HCN2: variants seen among roughly 807,000 people sequenced by gnomAD.
HCN2 encodes the protein hyperpolarization activated cyclic nucleotide gated potassium and sodium channel 2.
Under a neutral mutation model 52.3 loss-of-function variants are expected in HCN2, and 20 were observed. That is an observed-to-expected ratio of 0.38 (90% CI 0.27 to 0.56). The LOEUF (loss-of-function observed/expected upper bound fraction) is 0.56. Ranked by LOEUF, HCN2 falls within the 20% of genes least tolerant of loss-of-function variation. The probability of loss-of-function intolerance (pLI) is 0.71; values close to 1 mark genes in which losing one functional copy is unlikely to be tolerated. For synonymous variants in HCN2, 694 were observed against 537.0 expected (o/e 1.29, Z -4.04); for missense variants, 981 against 1,207.7 (o/e 0.81, Z 2.78).
At chr19:609,899 C>G (rs1480325959) in intron 4 of HCN2, among the ~76,000 whole-genome samples, 2 of 149,872 alleles carry the variant, frequency 1.3e-5, no homozygotes, top group Non-Finnish European at 3.0e-5. Context: ...GACAGTGTCT[C>G]AGAAAAAAAA....
intron 1 of HCN2, among the ~76,000 whole-genome samples, chr19:599,562 G>A (rs955970848): frequency 2.0e-5 from 3 of 151,670 alleles, no homozygotes; most frequent in Non-Finnish European, 4.4e-5. Context: ...GGCGGATCAC[G>A]AGGTCAGGAG....
At chr19:607,491 C>T (rs1433097616) in intron 3 of HCN2, among the ~76,000 whole-genome samples, 1 of 152,250 alleles carries the variant, frequency 6.6e-6, no homozygotes, top group African/African-American at 2.4e-5. Context: ...CTGGCTGCCA[C>T]CCGCACATGC....
At chr19:595,584 C>T (rs1353655905) in intron 1 of HCN2, among the ~76,000 whole-genome samples, 1 of 152,238 alleles carries the variant, frequency 6.6e-6, no homozygotes, top group Non-Finnish European at 1.5e-5. Flanking sequence ...GCCACCTCCT[C>T]CAAGGAGCCC....
At chr19:613,633 G>GGGGCCGGGGCCC (rs1289982521) in intron 6 of HCN2, 145 bp downstream of exon 6, 1 of 218,992 alleles carries the variant, frequency 4.6e-6, no homozygotes, top group Non-Finnish European at 7.7e-6. Flanking sequence ...GGATGGGGAT[G>GGGGCCGGGGCCC]GGGCCGGGGA....
At chr19:614,543 G>A (rs944496538) in intron 7 of HCN2, among the ~76,000 whole-genome samples, 6 of 152,188 alleles carry the variant, frequency 3.9e-5, no homozygotes, top group African/African-American at 1.4e-4. Context: ...GAAACGGGGA[G>A]GAAGATGTGT....
Position 616,528 on chromosome 19 carries a change from A to G in HCN2, c.*54A>G. 2 of 1,079,950 alleles carry G rather than the reference A, an allele frequency of 1.9e-6. No individual in the cohort carries two copies. The highest frequency in any genetic ancestry group is 2.3e-6 in the Non-Finnish European group (2 of 864,352). 66.9% of individuals were successfully genotyped at this position (1,079,950 alleles called of 1,614,324 possible). ...CGGGCCGGGGGCGGGGCCGTCATCC[A>G]GACCAAAGCCATGCCATTGCGCTGC... On this transcript the variant is annotated 3_prime_UTR_variant, in exon 8 of 8. Coordinates refer to ENST00000251287, the MANE Select transcript of HCN2 (RefSeq NM_001194.4).
chr19:595,020 G>A (rs1205637347), intron 1 of HCN2, among the ~76,000 whole-genome samples: 2 of 151,816 alleles, frequency 1.3e-5, no homozygotes, highest in Non-Finnish European at 2.9e-5. Flanking sequence ...GGGCAACATA[G>A]CAAGACCCCC....
intron 7 of HCN2, 32 bp downstream of exon 7, chr19:614,048 T>C (rs1023526743): frequency 1.4e-6 from 2 of 1,432,552 alleles, no homozygotes; most frequent in African/African-American, 3.1e-5. Context: ...CCGGGGCGGG[T>C]GCCCTGGCGG....
intron 1 of HCN2, among the ~76,000 whole-genome samples, chr19:600,643 C>A (rs1465987134): frequency 8.6e-5 from 13 of 151,992 alleles, no homozygotes; most frequent in Non-Finnish European, 1.5e-4. Flanking sequence ...CCACACCCGG[C>A]CTAATTTCTG....
chr19:609,165 C>G (rs1838178945), intron 4 of HCN2, among the ~76,000 whole-genome samples: 1 of 152,188 alleles, frequency 6.6e-6, no homozygotes, highest in African/African-American at 2.4e-5. Context: ...TAAGCTGGTG[C>G]CACCACCCGC....
intron 1 of HCN2, among the ~76,000 whole-genome samples, chr19:597,794 C>T (rs1023052618): frequency 1.3e-5 from 2 of 151,104 alleles, no homozygotes; most frequent in African/African-American, 4.9e-5. Context: ...TCTAGGCCCT[C>T]CTGGTGGTTT....
At chr19:611,258 CT>C (rs1195971517) in intron 5 of HCN2, among the ~76,000 whole-genome samples, 3 of 152,246 alleles carry the variant, frequency 2.0e-5, no homozygotes, top group Admixed American at 1.3e-4. Context: ...ACTGCGTGCC[CT>C]GCCGTGTGCT....
At chr19:609,337 G>T (rs975034131) in intron 4 of HCN2, among the ~76,000 whole-genome samples, 1 of 152,294 alleles carries the variant, frequency 6.6e-6, no homozygotes, top group South Asian at 2.1e-4. Context: ...GGGCTGACCC[G>T]ATGGTTTCTG....
chr19:595,139 C>T (rs553874126), intron 1 of HCN2, among the ~76,000 whole-genome samples: 2 of 151,094 alleles, frequency 1.3e-5, no homozygotes, highest in South Asian at 4.1e-4. Context: ...GAGGTTGAGG[C>T]TGCAGTGAGC....
chr19:605,719 GGAGGGGAGGACTCGGGC>G, intron 3 of HCN2, among the ~76,000 whole-genome samples: 1 of 106,096 alleles, frequency 9.4e-6, no homozygotes, highest in African/African-American at 4.0e-5. Flanking sequence ...GCCCCCTTAT[GGAGGGGAGGACTCGGGC>G]CCTTACAGAG....
At chr19:600,079 G>C (rs1983156496) in intron 1 of HCN2, among the ~76,000 whole-genome samples, 2 of 152,184 alleles carry the variant, frequency 1.3e-5, no homozygotes, top group Admixed American at 1.3e-4. Flanking sequence ...CCTTGTCTGA[G>C]TCAGGCACAC....
Position 600,963 on chromosome 19 carries a change from G to A in HCN2, c.633-2581G>A, listed in dbSNP as rs906786378. Among the ~76,000 whole-genome samples the A allele has an allele frequency of 1.1e-4, 16 of 150,686 alleles. No individual in the cohort carries two copies. The East Asian group carries it at 2.5e-3, about 24-fold the overall frequency. On this transcript the variant is annotated intron_variant, in intron 1 of 7. Transcript: ENST00000251287. ...CTCACCCCTCCAACCCCCGGCCCCC[G>A]GCACCCATGCATCCCCTTCCTGTCT... is the stretch of plus-strand genomic sequence containing the variant.
In HCN2 at chr19:616,508, CG is replaced by C; in HGVS notation, c.*39del. The C allele has an allele frequency of 8.5e-6, 10 of 1,182,340 alleles. No individual in the cohort carries two copies. The highest frequency in any genetic ancestry group is 4.2e-5 in the East Asian group (1 of 23,888). 73.2% of individuals were successfully genotyped at this position (1,182,340 alleles called of 1,614,324 possible). A position where few individuals can be genotyped will look rare whatever the true frequency, so the allele number is the denominator to read the frequency against. Reference sequence around the variant, plus strand: ...GACCGCCCCGCGGGCCCAGGCGGGCCGGGGGCGGGGCCGTCATCCAGACCAA... The same window carrying C: ...GACCGCCCCGCGGGCCCAGGCGGGCCGGGGCGGGGCCGTCATCCAGACCAA... On this transcript the variant is annotated 3_prime_UTR_variant, in exon 8 of 8. Transcript: ENST00000251287.
chr19:616,841 C>G lies in HCN2; in HGVS notation c.*367C>G, dbSNP rs1396502122. On this transcript the variant is annotated 3_prime_UTR_variant, in exon 8 of 8. Coordinates refer to ENST00000251287, the MANE Select transcript of HCN2 (RefSeq NM_001194.4). ...CGCCCCCCACCCTCTAGGTGGCCCC[C>G]GTCCGAGGAGGATCGTTTTCTAAGT... The G allele has an allele frequency of 5.1e-6, 1 of 194,522 alleles. No individual in the cohort carries two copies. The highest frequency in any genetic ancestry group is 2.4e-5 in the African/African-American group (1 of 41,998). 12.0% of individuals were successfully genotyped at this position (194,522 alleles called of 1,614,324 possible). A position where few individuals can be genotyped will look rare whatever the true frequency, so the allele number is the denominator to read the frequency against.
Sources: allele counts gnomAD v4.1 joint callset (sites outside exome capture counted in the v4.1 genomes callset), GRCh38; gene constraint gnomAD v4.1.1; transcripts MANE v1.5; gene names NCBI Gene and HGNC (gene_info 2026-07-23, HGNC 2026-07-21).